The following CHCHD3 variants were observed in gnomAD, a reference collection of about 807,000 sequenced individuals.
The protein encoded by CHCHD3 is MICOS complex subunit MIC19.
CHCHD3 carries 20 observed loss-of-function variants against 38.2 expected under a neutral mutation model. The observed-to-expected ratio is 0.52, with a 90% CI of 0.37 to 0.76. The LOEUF is 0.76. Ranked by LOEUF, CHCHD3 falls within the 30% of genes least tolerant of loss-of-function variation. CHCHD3 has a pLI of 0.00. For missense variants in CHCHD3, 245 were observed against 279.2 expected, an observed-to-expected ratio of 0.88 and a Z score of 0.87; for synonymous variants, 82 against 100.0, an observed-to-expected ratio of 0.82 and a Z score of 1.07.
chr7:132,973,038 T>C (rs1476784088), intron 4 of CHCHD3: 1 of 985,260 alleles, frequency 1.0e-6, no homozygotes, highest in African/African-American at 1.7e-5. Context: ...ACTTTCACAT[T>C]TTTTTGTGAA....
rs1180877529 is a variant in CHCHD3, at chr7:132,985,077, G to A, written c.252-9791C>T. Among the ~76,000 whole-genome samples, 10 of 98,858 alleles carry A rather than the reference G, an allele frequency of 1.0e-4. 2 individuals carry two copies. 64.9% of individuals were successfully genotyped at this position (98,858 alleles called of 152,430 possible). A position where few individuals can be genotyped will look rare whatever the true frequency, so the allele number is the denominator to read the frequency against. On this transcript the variant is annotated intron_variant, in intron 3 of 7. Coordinates refer to ENST00000262570, the MANE Select transcript of CHCHD3 (RefSeq NM_017812.4). ...CGCCCCGTCCGGAAGGGAGGTGGGG[G>A]GGTTAGCCCCCCGTCCGGCCAGCCG... is the stretch of plus-strand genomic sequence containing the variant.
intron 3 of CHCHD3, among the ~76,000 whole-genome samples, chr7:132,985,139 G>A (rs1291360478): frequency 4.9e-5 from 4 of 81,038 alleles, no homozygotes; most frequent in Non-Finnish European, 1.0e-4. Flanking sequence ...CTGCCCGGCC[G>A]CCCCTACTGG....
chr7:132,813,722 C>T (rs1264572498), intron 6 of CHCHD3, among the ~76,000 whole-genome samples: 1 of 152,090 alleles, frequency 6.6e-6, no homozygotes, highest in East Asian at 1.9e-4. Flanking sequence ...TTTTAGAATA[C>T]GATACATCTG....
intron 4 of CHCHD3, among the ~76,000 whole-genome samples, chr7:132,918,816 T>C (rs1410817498): frequency 6.6e-6 from 1 of 152,140 alleles, no homozygotes; most frequent in Non-Finnish European, 1.5e-5. Flanking sequence ...ACATGGCACT[T>C]AATAAAATTA....
At chr7:132,789,632 C>A (rs776242994) in intron 7 of CHCHD3, among the ~76,000 whole-genome samples, 22 of 152,104 alleles carry the variant, frequency 1.4e-4, no homozygotes, top group Non-Finnish European at 2.9e-4. Context: ...TAGCAGCATG[C>A]CAGCTACTGG....
chr7:132,863,969 C>T (rs1045113489), intron 5 of CHCHD3, among the ~76,000 whole-genome samples: 7 of 152,198 alleles, frequency 4.6e-5, no homozygotes, highest in East Asian at 3.8e-4. Context: ...CACCAAACCA[C>T]GAATCTTTCT....
intron 4 of CHCHD3, among the ~76,000 whole-genome samples, chr7:132,922,019 C>T (rs77216614): frequency 6.6e-6 from 1 of 152,232 alleles, no homozygotes; most frequent in African/African-American, 2.4e-5. Context: ...AGCTGCCTCA[C>T]TTCTACAGCT....
At chr7:133,048,701 A>G (rs1814065268) in intron 2 of CHCHD3, among the ~76,000 whole-genome samples, 1 of 152,236 alleles carries the variant, frequency 6.6e-6, no homozygotes, top group Admixed American at 6.5e-5. Flanking sequence ...AAAACCTCTC[A>G]GATACAATAA....
intron 1 of CHCHD3, among the ~76,000 whole-genome samples, chr7:133,073,716 T>C (rs1814895829): frequency 1.3e-5 from 2 of 152,174 alleles, no homozygotes; most frequent in African/African-American, 4.8e-5. Context: ...TCCTGTACCA[T>C]CCGCTTAAAA....
intron 3 of CHCHD3, among the ~76,000 whole-genome samples, chr7:132,992,957 G>A (rs774606164): frequency 2.7e-4 from 41 of 152,100 alleles, no homozygotes; most frequent in African/African-American, 3.1e-4. Flanking sequence ...CTTTTTCACC[G>A]TAACAGCTGA....
rs1355183391 is a variant in CHCHD3, at chr7:133,082,031, T to A, written c.-94A>T. 1 of 1,180,696 alleles carries A rather than the reference T, an allele frequency of 8.5e-7. No homozygotes were observed. The highest frequency in any genetic ancestry group is 3.0e-5 in the Admixed American group (1 of 33,696). The allele number at this position is 1,180,696 out of a possible 1,614,324, so 73.1% of individuals were successfully genotyped here. A position where few individuals can be genotyped will look rare whatever the true frequency, so the allele number is the denominator to read the frequency against. On this transcript the variant is annotated 5_prime_UTR_variant, in exon 1 of 8. Transcript: ENST00000262570. ...ACGCGCGTGGAAGGGCCTGGATTCT[T>A]TTCCCGCACAGCGGGAGCAAGGCCA...
chr7:133,076,095 A>G (rs1320961986), intron 1 of CHCHD3, among the ~76,000 whole-genome samples: 1 of 149,140 alleles, frequency 6.7e-6, no homozygotes, highest in Non-Finnish European at 1.5e-5. Context: ...TATCTTCTTC[A>G]GGAAACATAT....
At chr7:133,040,911 C>T (rs970131505) in intron 2 of CHCHD3, among the ~76,000 whole-genome samples, 1 of 152,036 alleles carries the variant, frequency 6.6e-6, no homozygotes, top group Non-Finnish European at 1.5e-5. Context: ...GTAAGTAAGC[C>T]ATAAAACAAG....
chr7:132,858,044 G>A lies in CHCHD3; in HGVS notation c.454-19575C>T, dbSNP rs1334788732. 3.9e-5 allele frequency among the ~76,000 whole-genome samples: 6 copies of A among 152,158 alleles called. No homozygotes were observed. In the East Asian group the frequency reaches 7.8e-4, roughly 20 times the overall value. Reference sequence around the variant, plus strand: ...GCTCATTCAGAGTAGGGCTTTCTTCGATTCTTTTTCAATTCTTTCTTCACT... The same window carrying A: ...GCTCATTCAGAGTAGGGCTTTCTTCAATTCTTTTTCAATTCTTTCTTCACT... On this transcript the variant is annotated intron_variant, in intron 5 of 7. Transcript: ENST00000262570.
chr7:132,949,797 CA>C (rs1265142305), intron 4 of CHCHD3, among the ~76,000 whole-genome samples: 1 of 151,954 alleles, frequency 6.6e-6, no homozygotes, highest in Non-Finnish European at 1.5e-5. Context: ...CACCTCTTCA[CA>C]AAGGAGTTAG....
intron 2 of CHCHD3, among the ~76,000 whole-genome samples, chr7:133,041,735 A>G (rs933084669): frequency 1.3e-5 from 2 of 152,144 alleles, no homozygotes; most frequent in African/African-American, 2.4e-5. Flanking sequence ...CCCCATCTCC[A>G]TCTACTCCAG....
chr7:133,065,614 G>A (rs555615128), intron 2 of CHCHD3, among the ~76,000 whole-genome samples: 2 of 152,202 alleles, frequency 1.3e-5, no homozygotes, highest in African/African-American at 2.4e-5. Context: ...TAAAAAAGGC[G>A]AGTGACATTT....
intron 3 of CHCHD3, among the ~76,000 whole-genome samples, chr7:132,982,837 G>A (rs1811953806): frequency 6.6e-6 from 1 of 151,906 alleles, no homozygotes; most frequent in Non-Finnish European, 1.5e-5. Flanking sequence ...AACCACATAT[G>A]TGCATTTTTT....
At chr7:132,820,610 T>A (rs146396968) in intron 6 of CHCHD3, among the ~76,000 whole-genome samples, 1 of 131,516 alleles carries the variant, frequency 7.6e-6, no homozygotes, top group African/African-American at 2.8e-5. Flanking sequence ...AATGTGCTAG[T>A]GTTTTTTTTT....
Sources: allele counts gnomAD v4.1 joint callset (sites outside exome capture counted in the v4.1 genomes callset), GRCh38; gene constraint gnomAD v4.1.1; transcripts MANE v1.5; gene names NCBI Gene and HGNC (gene_info 2026-07-23, HGNC 2026-07-21).